The following BRSK1 variants were observed in gnomAD, a reference collection of about 807,000 sequenced individuals.
BRSK1 encodes the protein BR serine/threonine kinase 1.
BRSK1 carries 17 observed loss-of-function variants against 86.2 expected under a neutral mutation model. The ratio of observed to expected loss-of-function variants is 0.20; its 90% CI spans 0.14 to 0.30. The LOEUF is 0.30. Ranked by LOEUF, BRSK1 falls within the 10% of genes least tolerant of loss-of-function variation. The probability of loss-of-function intolerance (pLI) is 1.00; values close to 1 mark genes in which losing one functional copy is unlikely to be tolerated. For missense variants in BRSK1, 719 were observed against 1,071.9 expected (o/e 0.67, Z 4.60); for synonymous variants, 464 against 440.1 (o/e 1.05, Z -0.68).
At chr19:55,295,546 G>T (rs929097814) in intron 7 of BRSK1, among the ~76,000 whole-genome samples, 1 of 152,184 alleles carries the variant, frequency 6.6e-6, no homozygotes, top group Non-Finnish European at 1.5e-5. Context: ...GGGTTAAAAA[G>T]ATAAAAGAAC....
intron 4 of BRSK1, 117 bp from the exon 5 acceptor site, chr19:55,293,900 T>G (rs1366192248): frequency 1.3e-6 from 1 of 755,058 alleles, no homozygotes; most frequent in Non-Finnish European, 2.1e-6. Flanking sequence ...ATAAATGGTC[T>G]CTCATCCCCT....
intron 1 of BRSK1, among the ~76,000 whole-genome samples, 166 bp downstream of exon 1, chr19:55,284,744 T>TG (rs537922977): frequency 0.018 from 1,608 of 88,586 alleles, 13 homozygotes; most frequent in Non-Finnish European, 0.027. Context: ...ATGGAGGGGG[T>TG]GGGGGGCGCA....
At chr19:55,298,566 T>C (rs1347052292) in intron 7 of BRSK1, among the ~76,000 whole-genome samples, 2 of 152,206 alleles carry the variant, frequency 1.3e-5, no homozygotes, top group East Asian at 1.9e-4. Flanking sequence ...TAACCCAAAA[T>C]AGTCCTGGAG....
Position 55,311,897 on chromosome 19 carries a change from T to C in BRSK1, c.2180-14T>C. 1 of 1,610,584 alleles carries C rather than the reference T, an allele frequency of 6.2e-7. No homozygotes were observed. The highest frequency in any genetic ancestry group is 8.5e-7 in the Non-Finnish European group (1 of 1,178,636). On this transcript the variant is annotated splice_polypyrimidine_tract_variant and intron_variant, in intron 18 of 18. Coordinates refer to ENST00000309383, the MANE Select transcript of BRSK1 (RefSeq NM_032430.2). ...GGCTGCGGAACCCACGAAAAACCTC[T>C]TCCTCCCTTGCAGACGAGAAGAACG...
At chr19:55,284,903 T>C (rs1334331335) in intron 1 of BRSK1, among the ~76,000 whole-genome samples, 1 of 143,942 alleles carries the variant, frequency 6.9e-6, no homozygotes, top group Non-Finnish European at 1.5e-5. Flanking sequence ...GGGTCTGGAC[T>C]CCTGGGTTTC....
chr19:55,291,558 C>T (rs879931204), intron 4 of BRSK1, among the ~76,000 whole-genome samples: 5 of 152,068 alleles, frequency 3.3e-5, no homozygotes, highest in Admixed American at 1.3e-4. Context: ...TTGACTTTAG[C>T]CTCCAAATCA....
In BRSK1 at chr19:55,304,064, G is replaced by C. The variant is rs2088611122; in HGVS notation, c.1301G>C (p.Ser434Thr). Residue 434 changes from serine (S) to threonine (T), a missense_variant, in exon 13 of 19, where the codon AGT becomes ACT. Coordinates refer to ENST00000309383, the MANE Select transcript of BRSK1 (RefSeq NM_032430.2). The surrounding 1 kb of genome is among the most constrained non-coding windows in gnomAD (Gnocchi z 5.2). ...CCTGGAAACAGATCCCGTAGCGTCA[G>C]TGGAGCCTCCACGGGTCTGTCCTCC... Reference protein sequence around the residue: ...AQHSQRSRSVSGASTGLSSSP... With the variant: ...AQHSQRSRSVTGASTGLSSSP... 1 of 1,612,080 alleles carries C rather than the reference G, an allele frequency of 6.2e-7. No individual in the cohort carries two copies. Among genetic ancestry groups the C allele is most frequent in the Non-Finnish European group, 8.5e-7 (1 of 1,179,584 alleles).
chr19:55,294,316 C>T lies in BRSK1; in HGVS notation c.610-13C>T. The T allele has an allele frequency of 3.1e-6, 5 of 1,614,092 alleles. No homozygotes were observed. Among genetic ancestry groups the T allele is most frequent in the Non-Finnish European group, 4.2e-6 (5 of 1,180,030 alleles). Reference sequence around the variant, plus strand: ...TGAGGAGCGATGAAGTCACAACTGGCCTTCCCTTCCAGGGGGAAAAATATG... The same window carrying T: ...TGAGGAGCGATGAAGTCACAACTGGTCTTCCCTTCCAGGGGGAAAAATATG... On this transcript the variant is annotated splice_polypyrimidine_tract_variant and intron_variant, in intron 6 of 18. Coordinates refer to ENST00000309383, the MANE Select transcript of BRSK1 (RefSeq NM_032430.2). This position sits in a 1 kb window ranked among gnomAD's most constrained non-coding sequence, Gnocchi z 4.9.
chr19:55,305,721 T>C, intron 16 of BRSK1, 135 bp downstream of exon 16: 1 of 1,376,114 alleles, frequency 7.3e-7, no homozygotes, highest in Non-Finnish European at 9.9e-7. Flanking sequence ...TGGCCAGAGT[T>C]GGTTAGAAGT....
chr19:55,300,668 G>A (rs898996895), intron 7 of BRSK1, among the ~76,000 whole-genome samples: 5 of 152,030 alleles, frequency 3.3e-5, no homozygotes, highest in African/African-American at 4.8e-5. Context: ...GTGAAACCCC[G>A]TCTCTATTAA....
rs370314093 is a variant in BRSK1 at position 55,307,082 on chromosome 19, C to T, written c.2089+632C>T. 5.3e-5 allele frequency among the ~76,000 whole-genome samples: 8 copies of T among 152,332 alleles called. No homozygotes were observed. In the East Asian group the frequency reaches 1.4e-3, roughly 26 times the overall value. The stretch of plus-strand genomic sequence containing the variant: ...TCCAGTTCTGCTTTCTGTTTGGTCC[C>T]TCCATCCTGATAGTGAGCATTTGGA... On this transcript the variant is annotated intron_variant, in intron 17 of 18. Transcript: ENST00000309383.
intron 7 of BRSK1, 105 bp from the exon 8 acceptor site, chr19:55,301,407 C>T (rs564422782): frequency 1.2e-5 from 16 of 1,390,938 alleles, no homozygotes; most frequent in Admixed American, 2.4e-5. Context: ...CTCTGTGCCT[C>T]AGTTTCCAAC....
At position 55,306,476 on chromosome 19, in the gene BRSK1, C is replaced by T; in HGVS notation, c.2089+26C>T. The T allele has an allele frequency of 6.2e-7, 1 of 1,608,388 alleles. No homozygotes were observed. Among genetic ancestry groups the T allele is most frequent in the Non-Finnish European group, 8.5e-7 (1 of 1,179,414 alleles). On this transcript the variant is annotated intron_variant, in intron 17 of 18. Coordinates refer to ENST00000309383, the MANE Select transcript of BRSK1 (RefSeq NM_032430.2). This position sits in a 1 kb window ranked among gnomAD's most constrained non-coding sequence, Gnocchi z 4.7. ...GTGAGTCTCTTGGCTAGGCTGCCTG[C>T]AGCCCAGTGCTGGGACTGTTCACGA...
rs2088767181 is a variant in BRSK1, at chr19:55,310,679, C to A, written c.2180-1232C>A. On this transcript the variant is annotated intron_variant, in intron 18 of 18. Transcript: ENST00000309383. The surrounding 1 kb of genome is among the most constrained non-coding windows in gnomAD (Gnocchi z 5.0). ...GTAAAACACCCTACAATTCACAGAA[C>A]AGCCCCCCACGACAGCTGGGTCCCA... Among the ~76,000 whole-genome samples, 1 of 152,164 alleles carries A rather than the reference C, an allele frequency of 6.6e-6. No individual in the cohort carries two copies. The highest frequency in any genetic ancestry group is 2.1e-4 in the South Asian group (1 of 4,828).
In BRSK1 at chr19:55,284,296, C is replaced by G. The variant is rs1425612294; in HGVS notation, c.-147C>G. On this transcript the variant is annotated 5_prime_UTR_variant, in exon 1 of 19. Coordinates refer to ENST00000309383, the MANE Select transcript of BRSK1 (RefSeq NM_032430.2). Reference sequence around the variant, plus strand: ...TCCGCGGCCCGCCGACTGGGGGGGGCCAGCCCAGCCCCCTGGGGACCCCCG... The same window carrying G: ...TCCGCGGCCCGCCGACTGGGGGGGGGCAGCCCAGCCCCCTGGGGACCCCCG... 2 of 648,292 alleles carry G rather than the reference C, an allele frequency of 3.1e-6. No individual in the cohort carries two copies. The highest frequency in any genetic ancestry group is 1.9e-5 in the African/African-American group (1 of 52,708). The allele number at this position is 648,292 out of a possible 1,614,324, so 40.2% of individuals were successfully genotyped here. A position where few individuals can be genotyped will look rare whatever the true frequency, so the allele number is the denominator to read the frequency against.
chr19:55,301,357 C>T (rs2088566973), intron 7 of BRSK1, among the ~76,000 whole-genome samples, 155 bp from the exon 8 acceptor site: 1 of 152,192 alleles, frequency 6.6e-6, no homozygotes, highest in South Asian at 2.1e-4. Flanking sequence ...GCCTGCTGTG[C>T]CACGGACGAG....
Position 55,303,550 on chromosome 19 carries a change from A to G in BRSK1, c.1127-117A>G, listed in dbSNP as rs976551855. 4.4e-5 allele frequency: 65 copies of G among 1,486,420 alleles called. No individual in the cohort carries two copies. The highest frequency in any genetic ancestry group is 1.5e-4 in the Admixed American group (8 of 51,944). The allele number at this position is 1,486,420 out of a possible 1,614,324, so 92.1% of individuals were successfully genotyped here. A position where few individuals can be genotyped will look rare whatever the true frequency, so the allele number is the denominator to read the frequency against. The stretch of plus-strand genomic sequence containing the variant: ...TAGACTGCTTGACTTGCTCTTTGAC[A>G]TTTATCAAATCCCCTCTCCACTCTA... On this transcript the variant is annotated intron_variant, in intron 11 of 18. Transcript: ENST00000309383. The surrounding 1 kb of genome is among the most constrained non-coding windows in gnomAD (Gnocchi z 5.1).
intron 1 of BRSK1, among the ~76,000 whole-genome samples, chr19:55,286,099 T>C (rs1283735125): frequency 1.5e-5 from 1 of 64,842 alleles, no homozygotes; most frequent in African/African-American, 6.8e-5. Flanking sequence ...GTGCTGGGTC[T>C]GAGGGAGGAG....
intron 4 of BRSK1, among the ~76,000 whole-genome samples, chr19:55,291,681 G>T (rs1423309977): frequency 6.6e-6 from 1 of 152,204 alleles, no homozygotes; most frequent in Non-Finnish European, 1.5e-5. Flanking sequence ...TTGGAGATGG[G>T]GTGGGGATCA....
Sources: gnomAD v4.1 joint callset for allele counts (sites outside exome capture counted in the v4.1 genomes callset) on GRCh38, gnomAD v4.1.1 for gene constraint, Gnocchi (gnomAD v3.1) non-coding constraint, MANE v1.5 for transcripts, NCBI Gene and HGNC (gene_info 2026-07-23, HGNC 2026-07-21) for gene names.